RTCB: variants seen among roughly 807,000 people sequenced by gnomAD.
RTCB encodes the protein RNA 2',3'-cyclic phosphate and 5'-OH ligase, also known as RNA-splicing ligase RTCB.
In RTCB, 32 loss-of-function variants were observed where a neutral mutation model predicts 58.2. The observed-to-expected ratio is 0.55, with a 90% CI of 0.41 to 0.74. The LOEUF (loss-of-function observed/expected upper bound fraction) is 0.74. Among genes scored for constraint, RTCB ranks in the 30% least tolerant of loss-of-function variants. The pLI is 0.00. For synonymous variants in RTCB, 247 were observed against 218.6 expected, an observed-to-expected ratio of 1.13 and a Z score of -1.15; for missense variants, 523 against 639.0, an observed-to-expected ratio of 0.82 and a Z score of 1.96.
At chr22:32,410,211 A>C (rs1601433023) in intron 1 of RTCB, among the ~76,000 whole-genome samples, 1 of 152,202 alleles carries the variant, frequency 6.6e-6, no homozygotes, top group Non-Finnish European at 1.5e-5. Context: ...CTGATGAGGA[A>C]GTGCCTCAAC....
intron 10 of RTCB, among the ~76,000 whole-genome samples, chr22:32,393,040 A>C (rs140455636): frequency 0.015 from 2,279 of 152,302 alleles, 60 homozygotes; most frequent in African/African-American, 0.052. Context: ...GGGCTCAAGC[A>C]ATCCTCCTGC....
intron 2 of RTCB, 66 bp downstream of exon 2, chr22:32,408,689 G>A: frequency 8.7e-7 from 1 of 1,146,586 alleles, no homozygotes; most frequent in Non-Finnish European, 1.3e-6. Flanking sequence ...TATTTGAGTT[G>A]CCACTTTTTC....
intron 3 of RTCB, among the ~76,000 whole-genome samples, chr22:32,406,987 A>C (rs1166303589): frequency 6.6e-6 from 1 of 152,246 alleles, no homozygotes; most frequent in Non-Finnish European, 1.5e-5. Context: ...ATGTTAATTA[A>C]GGAAATACAA....
At chr22:32,390,287 G>A (rs984020786) in intron 11 of RTCB, among the ~76,000 whole-genome samples, 1 of 152,134 alleles carries the variant, frequency 6.6e-6, no homozygotes, top group Non-Finnish European at 1.5e-5. Flanking sequence ...TAACTATAGC[G>A]GATGGTTAGT....
rs1170534223 is a variant in RTCB, at chr22:32,392,321, T to C, written c.1329A>G (p.Leu443=). Residue 443 remains leucine, a synonymous_variant, in exon 11 of 12, where the codon TTA becomes TTG. Transcript: ENST00000216038. The part of the protein sequence containing the change: ...ALSRAKSRRN[L]DFQDVLDKLA... Reference sequence around the variant, plus strand: ...ATTTGTCTAAGACATCCTGGAAATCTAAATTACGTCGAGATTTTGCTCGGG... The same window carrying C: ...ATTTGTCTAAGACATCCTGGAAATCCAAATTACGTCGAGATTTTGCTCGGG... 2 of 1,614,188 alleles carry C rather than the reference T, an allele frequency of 1.2e-6. No individual in the cohort carries two copies. Among genetic ancestry groups the C allele is most frequent in the South Asian group, 2.2e-5 (2 of 91,086 alleles).
At chr22:32,388,982 G>A (rs1933106076) in intron 11 of RTCB, among the ~76,000 whole-genome samples, 1 of 152,158 alleles carries the variant, frequency 6.6e-6, no homozygotes, top group Non-Finnish European at 1.5e-5. Context: ...TCTGAATGGT[G>A]ACTGCTGTTT....
At chr22:32,407,316 T>TA (rs1311655806) in intron 3 of RTCB, 1 of 153,054 alleles carries the variant, frequency 6.5e-6, no homozygotes, top group Non-Finnish European at 1.5e-5. Flanking sequence ...GCCATACCAT[T>TA]TCATTCCCTC....
chr22:32,402,517 T>C (rs1933354013), intron 4 of RTCB, among the ~76,000 whole-genome samples: 1 of 152,204 alleles, frequency 6.6e-6, no homozygotes, highest in African/African-American at 2.4e-5. Context: ...TGGGGTGATC[T>C]CGGCTCACTG....
At chr22:32,402,504 C>G (rs539064334) in intron 4 of RTCB, among the ~76,000 whole-genome samples, 1 of 152,304 alleles carries the variant, frequency 6.6e-6, no homozygotes, top group African/African-American at 2.4e-5. Flanking sequence ...GGCTGGAGTA[C>G]AGTGGGGTGA....
Position 32,398,007 on chromosome 22 carries a change from G to C in RTCB, c.748C>G (p.His250Asp), listed in dbSNP as rs748636265. The C allele has an allele frequency of 6.2e-7, 1 of 1,614,046 alleles. No homozygotes were observed. Among genetic ancestry groups the C allele is most frequent in the Non-Finnish European group, 8.5e-7 (1 of 1,180,014 alleles). The change falls in exon 7 of 12, where the codon CAT becomes GAT. Residue 250 changes from histidine to aspartate, a missense_variant. By Grantham distance (81) the His-to-Asp change is moderately conservative (BLOSUM62 -1). This residue lies in a region of RTCB where 141 missense variants were observed against 216.7 expected (regional missense o/e 0.65). Transcript: ENST00000216038. ...ATCATCACACACACCTGTCCCTTAT[G>C]GTCGATGCCCATTTTTTTAGCAGCA... The part of the protein sequence containing the change: ...EYAAKKMGID[H>D]KGQVCVMIHS...
intron 11 of RTCB, among the ~76,000 whole-genome samples, chr22:32,391,803 T>C (rs1933158492): frequency 6.6e-6 from 1 of 152,252 alleles, no homozygotes; most frequent in African/African-American, 2.4e-5. Flanking sequence ...TGCTTTTAAT[T>C]TAAATATGTA....
chr22:32,403,415 A>G (rs902411158), intron 4 of RTCB, among the ~76,000 whole-genome samples: 6 of 152,190 alleles, frequency 3.9e-5, no homozygotes, highest in Non-Finnish European at 5.9e-5. Flanking sequence ...TCAAAAAAAA[A>G]AGAAAAAAAA....
At chr22:32,402,913 T>C (rs1240291496) in intron 4 of RTCB, among the ~76,000 whole-genome samples, 1 of 152,096 alleles carries the variant, frequency 6.6e-6, no homozygotes, top group Non-Finnish European at 1.5e-5. Context: ...CCTGATTAAC[T>C]TTTGTATTAT....
At chr22:32,392,670 T>C (rs923218449) in intron 10 of RTCB, among the ~76,000 whole-genome samples, 13 of 152,090 alleles carry the variant, frequency 8.5e-5, no homozygotes, top group Admixed American at 2.0e-4. Context: ...CTCCAGAAAT[T>C]GTCAATGTCC....
In RTCB at chr22:32,393,852, C is replaced by T. The variant is rs894367926; in HGVS notation, c.1290+40G>A. Reference sequence around the variant, plus strand: ...GTCAAAATGGAAAACCATAGCTAAACTGAAGAGAGCATTTCTAAGGAAGTT... The same window carrying T: ...GTCAAAATGGAAAACCATAGCTAAATTGAAGAGAGCATTTCTAAGGAAGTT... On this transcript the variant is annotated intron_variant, in intron 10 of 11. Transcript: ENST00000216038. 2.2e-6 allele frequency: 3 copies of T among 1,383,032 alleles called. No individual in the cohort carries two copies. In the Admixed American group the frequency reaches 5.0e-5, roughly 23 times the overall value. The allele number at this position is 1,383,032 out of a possible 1,614,324, so 85.7% of individuals were successfully genotyped here. A position where few individuals can be genotyped will look rare whatever the true frequency, so the allele number is the denominator to read the frequency against.
intron 11 of RTCB, 114 bp downstream of exon 11, chr22:32,392,126 A>G (rs1933162660): frequency 8.4e-7 from 1 of 1,194,406 alleles, no homozygotes; most frequent in African/African-American, 1.5e-5. Flanking sequence ...TCATAAAAAA[A>G]AATAACCCAA....
Position 32,395,022 on chromosome 22 carries a change from G to T in RTCB, c.1179+4C>A. On this transcript the variant is annotated splice_donor_region_variant and intron_variant, in intron 9 of 11. Transcript: ENST00000216038. ...CTTAAAACTACAAACGTAGAGCTACGTACTTGGTAATCAACAGCAATGAGG... is the reference window on the plus strand; with the variant it reads ...CTTAAAACTACAAACGTAGAGCTACTTACTTGGTAATCAACAGCAATGAGG... 1.2e-6 allele frequency: 2 copies of T among 1,611,284 alleles called. No homozygotes were observed. The highest frequency in any genetic ancestry group is 1.7e-6 in the Non-Finnish European group (2 of 1,177,776).
chr22:32,395,950 T>A (rs1933238856), intron 8 of RTCB, 124 bp downstream of exon 8: 4 of 879,354 alleles, frequency 4.5e-6, no homozygotes, highest in Non-Finnish European at 7.1e-6. Context: ...CCGCCCCCCC[T>A]CGGCCTCCCA....
chr22:32,399,890 T>C (rs765696316), intron 5 of RTCB, 131 bp from the exon 6 acceptor site: 26 of 800,456 alleles, frequency 3.2e-5, no homozygotes, highest in Non-Finnish European at 4.5e-5. Context: ...TTGAGTCAGA[T>C]ACAAAGTTTA....
Sources: gnomAD v4.1 joint callset for allele counts (sites outside exome capture counted in the v4.1 genomes callset) on GRCh38, gnomAD v4.1.1 for gene constraint, gnomAD v4.1.1 regional missense constraint, MANE v1.5 for transcripts, NCBI Gene and HGNC (gene_info 2026-07-23, HGNC 2026-07-21) for gene names.